Variants in NADK2 observed in about 807,000 individuals in gnomAD.
NADK2 encodes the protein NAD kinase 2, mitochondrial, also known as NAD kinase domain-containing protein 1, mitochondrial.
A neutral mutation model predicts 62.1 loss-of-function variants in NADK2; 35 were observed. The observed-to-expected ratio is 0.56, with a 90% CI of 0.43 to 0.75. The LOEUF is 0.75. NADK2 is among the 30% of genes least tolerant of loss of function. NADK2 has a pLI of 0.00. For synonymous variants in NADK2, 205 were observed against 207.9 expected (o/e 0.99, Z 0.12); for missense variants, 439 against 561.3 (o/e 0.78, Z 2.20).
At position 36,205,558 on chromosome 5, in the gene NADK2, T is replaced by C. The variant is rs1160571174; in HGVS notation, c.956+1612A>G. On this transcript the variant is annotated intron_variant, in intron 8 of 11. Coordinates refer to ENST00000381937, the MANE Select transcript of NADK2 (RefSeq NM_001085411.3). The surrounding 1 kb of genome is among the most constrained non-coding windows in gnomAD (Gnocchi z 4.1). Reference sequence around the variant, plus strand: ...TGTTAAAGGGCCTCAAATGACAGATTAAGCAATCTGAACAGAGGTCAATGA... The same window carrying C: ...TGTTAAAGGGCCTCAAATGACAGATCAAGCAATCTGAACAGAGGTCAATGA... 8.5e-5 allele frequency among the ~76,000 whole-genome samples: 13 copies of C among 152,194 alleles called. No homozygotes were observed. Among genetic ancestry groups the C allele is most frequent in the Non-Finnish European group, 1.9e-4 (13 of 68,000 alleles).
At chr5:36,203,948 C>T (rs1746540833) in intron 8 of NADK2, among the ~76,000 whole-genome samples, 3 of 152,088 alleles carry the variant, frequency 2.0e-5, no homozygotes, top group South Asian at 2.1e-4. Context: ...TTGACCTTCC[C>T]TTGTGAAGCA....
chr5:36,212,747 C>A (rs1746897317), intron 6 of NADK2, among the ~76,000 whole-genome samples: 1 of 152,212 alleles, frequency 6.6e-6, no homozygotes, highest in Non-Finnish European at 1.5e-5. Flanking sequence ...ACTTTTCTGT[C>A]TCCTCCACAA....
At position 36,217,829 on chromosome 5, in the gene NADK2, C is replaced by T. The variant is rs1747105767; in HGVS notation, c.700G>A (p.Val234Ile). The change falls in exon 6 of 12, where the codon GTA becomes ATA. Residue 234 changes from valine (V) to isoleucine (I), a missense_variant. By Grantham distance (29) the Val-to-Ile change is conservative (BLOSUM62 3). Transcript: ENST00000381937. ...LYLEGTGINP[V>I]PVDLHEQQLS... ...TGCTGCTCGTGAAGGTCCACAGGTA[C>T]AGGGTTTATGCCAGTCCCTTCAAGG... 1 of 1,613,848 alleles carries T rather than the reference C, an allele frequency of 6.2e-7. No homozygotes were observed. The highest frequency in any genetic ancestry group is 1.3e-5 in the African/African-American group (1 of 74,900).
chr5:36,226,406 G>T, intron 3 of NADK2, 69 bp downstream of exon 3: 1 of 1,221,248 alleles, frequency 8.2e-7, no homozygotes, highest in Non-Finnish European at 1.2e-6. Context: ...CTAGACCCTA[G>T]GGTATCTGGA....
At chr5:36,206,573 T>C (rs918138600) in intron 8 of NADK2, among the ~76,000 whole-genome samples, 1 of 152,050 alleles carries the variant, frequency 6.6e-6, no homozygotes, top group African/African-American at 2.4e-5. Flanking sequence ...GCTGATGGTA[T>C]TCATCAATAT....
At chr5:36,221,548 C>T (rs959247762) in intron 4 of NADK2, 1 of 152,102 alleles carries the variant, frequency 6.6e-6, no homozygotes, top group African/African-American at 2.4e-5. Context: ...GACTGAGACA[C>T]CACTATATTT....
intron 1 of NADK2, among the ~76,000 whole-genome samples, chr5:36,238,251 A>G (rs10452459): frequency 0.062 from 9,418 of 152,258 alleles, 1,031 homozygotes; most frequent in African/African-American, 0.22. Context: ...AAGCCACAAA[A>G]TCTTCAGAAA....
At chr5:36,230,224 C>T (rs1456924480) in intron 1 of NADK2, among the ~76,000 whole-genome samples, 2 of 152,128 alleles carry the variant, frequency 1.3e-5, no homozygotes, top group Non-Finnish European at 2.9e-5. Context: ...ATTTTTCCTC[C>T]CCATTCCCAA....
chr5:36,213,618 CAT>C (rs58371779), intron 6 of NADK2, among the ~76,000 whole-genome samples: 28 of 107,544 alleles, frequency 2.6e-4, no homozygotes, highest in African/African-American at 5.9e-4. Context: ...TATATGCATG[CAT>C]ATATATATAT....
chr5:36,200,947 T>C (rs918805063), intron 9 of NADK2, among the ~76,000 whole-genome samples, 159 bp downstream of exon 9: 5 of 152,020 alleles, frequency 3.3e-5, no homozygotes, highest in African/African-American at 4.8e-5. Flanking sequence ...CAATCAGATA[T>C]ATGAATCTTC....
Position 36,200,250 on chromosome 5 carries a change from A to G in NADK2, c.1043T>C (p.Leu348Ser). The G allele has an allele frequency of 1.3e-6, 2 of 1,585,150 alleles. No individual in the cohort carries two copies. The highest frequency in any genetic ancestry group is 1.7e-6 in the Non-Finnish European group (2 of 1,165,020). The stretch of plus-strand genomic sequence containing the variant: ...ACCTTTCTCTACCAATTCTCTGTTC[A>G]ATGGAAGACTCAAATTTCCTTGTCG... ...AKRQGNLSLPLNRELVEKVTN... is the reference protein window; with the variant it reads ...AKRQGNLSLPSNRELVEKVTN... The change falls in exon 10 of 12, where the codon TTG (leucine) becomes TCG (serine). Residue 348 changes from leucine to serine, a missense_variant. By Grantham distance (145) the Leu-to-Ser change is moderately radical. Transcript: ENST00000381937.
chr5:36,224,775 T>C (rs932402035), intron 4 of NADK2, among the ~76,000 whole-genome samples: 1 of 152,006 alleles, frequency 6.6e-6, no homozygotes, highest in Admixed American at 6.6e-5. Flanking sequence ...CAGATCACCA[T>C]AAAGTCCAGG....
At chr5:36,221,706 T>C (rs1747276385) in intron 4 of NADK2, 1 of 152,198 alleles carries the variant, frequency 6.6e-6, no homozygotes, top group South Asian at 2.1e-4. Flanking sequence ...TATTAACAAT[T>C]GCTTGCCAGC....
At chr5:36,242,012 C>T (rs1187395555), upstream of NADK2, 2 of 260,142 alleles carry the variant, frequency 7.7e-6, no homozygotes, top group Non-Finnish European at 1.4e-5. Context: ...AAACGGGAGA[C>T]CCCACGCGGG....
chr5:36,205,267 GATTA>G lies in NADK2; in HGVS notation c.956+1899_956+1902del, dbSNP rs932450291. On this transcript the variant is annotated intron_variant, in intron 8 of 11. Transcript: ENST00000381937. The surrounding 1 kb of genome is among the most constrained non-coding windows in gnomAD (Gnocchi z 4.1). Reference sequence around the variant, plus strand: ...AAAAGTGTTAGGGAAGGATGAAAATGATTAATTCACTGTCTTTATGAAACAGGTG... The same window carrying G: ...AAAAGTGTTAGGGAAGGATGAAAATGATTCACTGTCTTTATGAAACAGGTG... Among the ~76,000 whole-genome samples, 1 of 152,002 alleles carries G rather than the reference GATTA, an allele frequency of 6.6e-6. No individual in the cohort carries two copies. Among genetic ancestry groups the G allele is most frequent in the Non-Finnish European group, 1.5e-5 (1 of 67,976 alleles).
chr5:36,224,351 G>T (rs1452057028), intron 4 of NADK2, among the ~76,000 whole-genome samples: 2 of 152,152 alleles, frequency 1.3e-5, no homozygotes, highest in Non-Finnish European at 2.9e-5. Flanking sequence ...GAGATCAGGA[G>T]TTTGAGACCA....
At position 36,222,447 on chromosome 5, in the gene NADK2, G is replaced by A. The variant is rs1747308407; in HGVS notation, c.561-2768C>T. Reference sequence around the variant, plus strand: ...AACAGCCTTTTAGAAAGGATCCCAGGCTGATCCTAGAAAAGTTTCCAAAAA... The same window carrying A: ...AACAGCCTTTTAGAAAGGATCCCAGACTGATCCTAGAAAAGTTTCCAAAAA... On this transcript the variant is annotated intron_variant, in intron 4 of 11. Transcript: ENST00000381937. Among the ~76,000 whole-genome samples the A allele has an allele frequency of 1.3e-5, 2 of 152,278 alleles. 1 individual carries two copies. Among genetic ancestry groups the A allele is most frequent in the Middle Eastern group, 6.8e-3 (2 of 294 alleles).
intron 9 of NADK2, among the ~76,000 whole-genome samples, chr5:36,200,753 A>T (rs1746413741): frequency 1.3e-5 from 2 of 151,910 alleles, no homozygotes; most frequent in African/African-American, 4.8e-5. Flanking sequence ...TATTAGATCG[A>T]CTGTCATGGT....
At chr5:36,221,456 G>T (rs966066802) in intron 4 of NADK2, 2 of 152,196 alleles carry the variant, frequency 1.3e-5, no homozygotes, top group Non-Finnish European at 2.9e-5. Flanking sequence ...AAGTTTTGGG[G>T]TGATTAGTTA....
Sources: gnomAD v4.1 joint callset for allele counts (sites outside exome capture counted in the v4.1 genomes callset) on GRCh38, gnomAD v4.1.1 for gene constraint, Gnocchi (gnomAD v3.1) non-coding constraint, MANE v1.5 for transcripts, NCBI Gene and HGNC (gene_info 2026-07-23, HGNC 2026-07-21) for gene names.